Variants in JMJD1C observed in about 807,000 individuals in gnomAD.
JMJD1C encodes jumonji domain containing 1C.
In JMJD1C, 31 loss-of-function variants were observed where a neutral mutation model predicts 245.3. The ratio of observed to expected loss-of-function variants is 0.13; its 90% confidence interval spans 0.09 to 0.17. The LOEUF is 0.17. Ranked by LOEUF, JMJD1C falls within the 10% of genes least tolerant of loss-of-function variation. The pLI is 1.00. For missense variants in JMJD1C, 2,691 were observed against 3,000.2 expected, an observed-to-expected ratio of 0.90 and a Z score of 2.41; for synonymous variants, 1,057 against 1,017.4, an observed-to-expected ratio of 1.04 and a Z score of -0.74.
Position 63,349,276 on chromosome 10 carries a change from A to C in JMJD1C, c.333+31042T>G, listed in dbSNP as rs185564924. On this transcript the variant is annotated intron_variant, in intron 2 of 25. Transcript: ENST00000399262. ...GCCAAAAAAACTTCTTTTCTTTATA[A>C]ATTACCCAGTCTCAGGTATTCCTTT... 3.9e-5 allele frequency among the ~76,000 whole-genome samples: 6 copies of C among 152,222 alleles called. No individual in the cohort carries two copies. The East Asian group carries it at 1.2e-3, about 29-fold the overall frequency.
chr10:63,243,103 T>TATATATATATATATATATATATA (rs1851692218), intron 3 of JMJD1C, among the ~76,000 whole-genome samples: 1 of 120,104 alleles, frequency 8.3e-6, no homozygotes. Context: ...CTAACATAAA[T>TATATATATATATATATATATATA]TATATATATA....
At chr10:63,294,726 T>C (rs1443464279) in intron 2 of JMJD1C, among the ~76,000 whole-genome samples, 1 of 152,240 alleles carries the variant, frequency 6.6e-6, no homozygotes, top group Non-Finnish European at 1.5e-5. Context: ...AAAATAGTTT[T>C]AACTTGTTAT....
In JMJD1C at chr10:63,309,234, T is replaced by C. The variant is rs557801850; in HGVS notation, c.334-44470A>G. On this transcript the variant is annotated intron_variant, in intron 2 of 25. Transcript: ENST00000399262. ...GTCGCTGGGCACGGGGGCTCATGCC[T>C]GTAACCCCAGCACTTTGGGAGGCCA... 6.0e-4 allele frequency among the ~76,000 whole-genome samples: 91 copies of C among 152,272 alleles called. 1 individual carries two copies. The highest frequency in any genetic ancestry group is 2.1e-3 in the African/African-American group (89 of 41,562).
At chr10:63,502,655 A>G (rs1457955285) in intron 1 of JMJD1C, among the ~76,000 whole-genome samples, 5 of 151,744 alleles carry the variant, frequency 3.3e-5, no homozygotes, top group Non-Finnish European at 5.9e-5. Flanking sequence ...AAAAAAAAAA[A>G]AAAACCTGCC....
chr10:63,517,138 G>A (rs1250965003), intron 1 of JMJD1C, among the ~76,000 whole-genome samples: 1 of 152,130 alleles, frequency 6.6e-6, no homozygotes, highest in African/African-American at 2.4e-5. Context: ...GAAATGCGAA[G>A]GTGACCTAGT....
chr10:63,388,885 T>C (rs1341936162), intron 1 of JMJD1C, among the ~76,000 whole-genome samples: 2 of 152,128 alleles, frequency 1.3e-5, no homozygotes, highest in African/African-American at 4.8e-5. Context: ...GAGAAGTAGC[T>C]ACAATTAAAC....
At chr10:63,260,002 A>G (rs1452972613) in intron 3 of JMJD1C, among the ~76,000 whole-genome samples, 1 of 152,084 alleles carries the variant, frequency 6.6e-6, no homozygotes, top group East Asian at 1.9e-4. Context: ...CCTGGGTTCA[A>G]GTGATTCTCT....
At chr10:63,440,291 C>T (rs947370937) in intron 1 of JMJD1C, among the ~76,000 whole-genome samples, 1 of 150,388 alleles carries the variant, frequency 6.6e-6, no homozygotes, top group African/African-American at 2.4e-5. Flanking sequence ...GCCAAGACTG[C>T]ACCACTGCAC....
chr10:63,263,959 TACACACACACACACACACACACACAC>T (rs746833882), intron 3 of JMJD1C, among the ~76,000 whole-genome samples: 8 of 83,006 alleles, frequency 9.6e-5, no homozygotes, highest in South Asian at 9.8e-4. Flanking sequence ...AAAATACACA[TACACACACACACACACACACACACAC>T]ACACACACAC....
intron 1 of JMJD1C, among the ~76,000 whole-genome samples, chr10:63,433,294 T>C (rs927399400): frequency 6.6e-6 from 1 of 151,976 alleles, no homozygotes; most frequent in Non-Finnish European, 1.5e-5. Flanking sequence ...TGGTGTTTCT[T>C]CATGTTGGTC....
At chr10:63,255,315 T>C (rs1370395146) in intron 3 of JMJD1C, among the ~76,000 whole-genome samples, 1 of 152,208 alleles carries the variant, frequency 6.6e-6, no homozygotes, top group African/African-American at 2.4e-5. Context: ...ATCTGTAATT[T>C]TAGTAGAAAA....
At chr10:63,512,561 T>C (rs1954902512) in intron 1 of JMJD1C, among the ~76,000 whole-genome samples, 1 of 152,172 alleles carries the variant, frequency 6.6e-6, no homozygotes, top group South Asian at 2.1e-4. Flanking sequence ...TGGATGTAAT[T>C]TTTATCTTAG....
intron 1 of JMJD1C, among the ~76,000 whole-genome samples, chr10:63,389,532 A>T (rs1173609809): frequency 6.6e-6 from 1 of 151,486 alleles, no homozygotes; most frequent in East Asian, 1.9e-4. Context: ...TTTAAACTGC[A>T]CATTAGACCA....
intron 1 of JMJD1C, among the ~76,000 whole-genome samples, chr10:63,432,831 A>T (rs1402930414): frequency 6.6e-6 from 1 of 152,182 alleles, no homozygotes; most frequent in Non-Finnish European, 1.5e-5. Context: ...ATTACACCTA[A>T]AAACAGAAAT....
At chr10:63,230,918 G>GA (rs1225694492) in intron 3 of JMJD1C, among the ~76,000 whole-genome samples, 2 of 152,230 alleles carry the variant, frequency 1.3e-5, no homozygotes, top group African/African-American at 4.8e-5. Context: ...ACATAATTCT[G>GA]AGTCTGTATT....
At chr10:63,262,021 T>C (rs1288705134) in intron 3 of JMJD1C, among the ~76,000 whole-genome samples, 2 of 152,206 alleles carry the variant, frequency 1.3e-5, no homozygotes, top group African/African-American at 4.8e-5. Context: ...AAAGGATAAT[T>C]AGCATCCATA....
chr10:63,229,352 T>C (rs1405880600), intron 3 of JMJD1C, among the ~76,000 whole-genome samples: 3 of 152,042 alleles, frequency 2.0e-5, no homozygotes, highest in African/African-American at 7.2e-5. Flanking sequence ...TACATAAAGA[T>C]TCGGATGGGG....
intron 1 of JMJD1C, among the ~76,000 whole-genome samples, chr10:63,446,277 A>G (rs1357928283): frequency 1.3e-5 from 2 of 152,136 alleles, no homozygotes; most frequent in South Asian, 2.1e-4. Context: ...CAAGGGACCT[A>G]AACTAGAAGG....
intron 3 of JMJD1C, among the ~76,000 whole-genome samples, chr10:63,243,222 A>G (rs541777685): frequency 6.0e-5 from 9 of 151,098 alleles, no homozygotes; most frequent in South Asian, 4.2e-4. Context: ...GGTTCTCTCT[A>G]TATCTTAAAA....
Sources: allele counts gnomAD v4.1 joint callset (sites outside exome capture counted in the v4.1 genomes callset), GRCh38; gene constraint gnomAD v4.1.1; transcripts MANE v1.5; gene names NCBI Gene and HGNC (gene_info 2026-07-23, HGNC 2026-07-21).